Variants in RAB38 observed in about 807,000 individuals in gnomAD.
The protein encoded by RAB38 is ras-related protein Rab-38.
Under a neutral mutation model 18.4 loss-of-function variants are expected in RAB38, and 15 were observed. That is an observed-to-expected ratio of 0.82 (90% CI 0.55 to 1.26). RAB38 has a LOEUF of 1.26. Among genes scored for constraint, RAB38 ranks in the 50% most tolerant of loss-of-function variants. The pLI is 0.00. For synonymous variants in RAB38, 101 were observed against 104.4 expected (o/e 0.97, Z 0.20); for missense variants, 294 against 267.4 (o/e 1.10, Z -0.69).
At chr11:87,883,364 C>T in the RAB38 span, among the ~76,000 whole-genome samples, 13 of 151,986 alleles carry the variant, frequency 8.6e-5, no homozygotes, top group African/African-American at 2.4e-4. Context: ...TCAAACCTCA[C>T]GTTTGAAATT....
At chr11:87,844,263 A>G in the RAB38 span, among the ~76,000 whole-genome samples, 1 of 152,218 alleles carries the variant, frequency 6.6e-6, no homozygotes, top group Non-Finnish European at 1.5e-5. Context: ...AAGGATAGTA[A>G]TTCATTTAGA....
At chr11:88,019,562 AC>A in the RAB38 span, among the ~76,000 whole-genome samples, 1 of 152,134 alleles carries the variant, frequency 6.6e-6, no homozygotes, top group African/African-American at 2.4e-5. Context: ...CCTGCTATCA[AC>A]ACTCAAAATG....
the RAB38 span, among the ~76,000 whole-genome samples, chr11:88,058,118 T>C: frequency 3.9e-5 from 6 of 152,296 alleles, no homozygotes; most frequent in East Asian, 1.2e-3. Context: ...GGAAGCATAA[T>C]TATCTTTGGT....
the RAB38 span, among the ~76,000 whole-genome samples, chr11:87,825,825 AAGC>A: frequency 6.6e-6 from 1 of 152,096 alleles, no homozygotes; most frequent in Non-Finnish European, 1.5e-5. Context: ...TTTTGAGAAA[AAGC>A]AGTAATAGGG....
At chr11:88,036,224 C>G in the RAB38 span, among the ~76,000 whole-genome samples, 1 of 152,050 alleles carries the variant, frequency 6.6e-6, no homozygotes, top group African/African-American at 2.4e-5. Flanking sequence ...CAAAATGTTT[C>G]AAGGTCACTT....
chr11:88,124,594 G>C (rs1942670330), intron 2 of RAB38, among the ~76,000 whole-genome samples: 1 of 152,136 alleles, frequency 6.6e-6, no homozygotes, highest in African/African-American at 2.4e-5. Flanking sequence ...CATAGAACCT[G>C]TCGACCCAAC....
At chr11:88,040,569 G>C in the RAB38 span, among the ~76,000 whole-genome samples, 10 of 152,144 alleles carry the variant, frequency 6.6e-5, no homozygotes, top group Non-Finnish European at 1.5e-4. Flanking sequence ...GCTGGGTATG[G>C]TGGCTCATGC....
chr11:87,882,357 T>C, the RAB38 span, among the ~76,000 whole-genome samples: 1 of 151,852 alleles, frequency 6.6e-6, no homozygotes, highest in African/African-American at 2.4e-5. Flanking sequence ...CAGAAGCCCC[T>C]AAAGGGCTTT....
At chr11:87,822,101 C>G in the RAB38 span, among the ~76,000 whole-genome samples, 2 of 148,340 alleles carry the variant, frequency 1.3e-5, no homozygotes, top group South Asian at 4.3e-4. Flanking sequence ...AAAACAGGGA[C>G]TAAAATAAGA....
At chr11:88,119,627 T>C (rs1942604422) in intron 2 of RAB38, among the ~76,000 whole-genome samples, 1 of 151,012 alleles carries the variant, frequency 6.6e-6, no homozygotes, top group Non-Finnish European at 1.5e-5. Flanking sequence ...ACATCTGTCT[T>C]GCGGCAAAGT....
chr11:87,945,147 G>C, the RAB38 span, among the ~76,000 whole-genome samples: 5 of 152,008 alleles, frequency 3.3e-5, no homozygotes, highest in African/African-American at 4.8e-5. Context: ...CCACGTTGCT[G>C]GTTTTCTTTC....
chr11:88,069,552 G>T, the RAB38 span, among the ~76,000 whole-genome samples: 1 of 152,240 alleles, frequency 6.6e-6, no homozygotes, highest in Admixed American at 6.5e-5. Flanking sequence ...TCTAGCCGGA[G>T]GATCGTATAT....
the RAB38 span, among the ~76,000 whole-genome samples, chr11:87,866,845 C>G: frequency 5.3e-5 from 8 of 151,842 alleles, no homozygotes; most frequent in East Asian, 1.2e-3. Context: ...CATAGAGAGT[C>G]AGGAAAGCTT....
At chr11:87,909,343 T>C in the RAB38 span, among the ~76,000 whole-genome samples, 1 of 149,204 alleles carries the variant, frequency 6.7e-6, no homozygotes, top group Non-Finnish European at 1.5e-5. Context: ...TTCTTACTTC[T>C]CATATTTTGC....
the RAB38 span, among the ~76,000 whole-genome samples, chr11:88,008,859 A>T: frequency 6.6e-6 from 1 of 152,110 alleles, no homozygotes; most frequent in Non-Finnish European, 1.5e-5. Context: ...TTTTTAGTAG[A>T]GACGGGGTTT....
chr11:88,102,909 C>T, the RAB38 span, among the ~76,000 whole-genome samples: 1 of 152,010 alleles, frequency 6.6e-6, no homozygotes, highest in Non-Finnish European at 1.5e-5. Flanking sequence ...CGTCTCCTCC[C>T]TTCCCTCATT....
At chr11:87,828,718 C>T in the RAB38 span, among the ~76,000 whole-genome samples, 1 of 152,080 alleles carries the variant, frequency 6.6e-6, no homozygotes, top group Non-Finnish European at 1.5e-5. Context: ...ATTTATTCTT[C>T]AGTAATTGCT....
chr11:88,074,468 C>T, the RAB38 span, among the ~76,000 whole-genome samples: 1 of 152,202 alleles, frequency 6.6e-6, no homozygotes, highest in South Asian at 2.1e-4. Flanking sequence ...CTAAAATAAG[C>T]TGTCATCTCT....
At chr11:88,017,157 A>G in the RAB38 span, among the ~76,000 whole-genome samples, 4 of 152,078 alleles carry the variant, frequency 2.6e-5, no homozygotes, top group Non-Finnish European at 4.4e-5. Context: ...GAAATACACA[A>G]CCATGGACAT....
Sources: allele counts gnomAD v4.1 joint callset (sites outside exome capture counted in the v4.1 genomes callset), GRCh38; gene constraint gnomAD v4.1.1; transcripts MANE v1.5; gene names NCBI Gene and HGNC (gene_info 2026-07-23, HGNC 2026-07-21).